ROBO1: variants seen among roughly 807,000 people sequenced by gnomAD.
ROBO1 encodes the protein roundabout guidance receptor 1, also known as roundabout homolog 1.
ROBO1 carries 149 observed loss-of-function variants against 195.9 expected under a neutral mutation model. The observed-to-expected ratio is 0.76, with a 90% CI of 0.67 to 0.87. ROBO1 has a LOEUF of 0.87. ROBO1 is among the 40% of genes least tolerant of loss of function. ROBO1 has a pLI of 0.00. For synonymous variants in ROBO1, 816 were observed against 733.2 expected (o/e 1.11, Z -1.82); for missense variants, 1,933 against 2,068.3 (o/e 0.93, Z 1.27).
At chr3:78,898,879 T>G (rs1462083005) in intron 4 of ROBO1, among the ~76,000 whole-genome samples, 1 of 152,148 alleles carries the variant, frequency 6.6e-6, no homozygotes, top group Admixed American at 6.5e-5. Flanking sequence ...TTTCAGTTAG[T>G]TTGTAAACAG....
At chr3:78,714,330 T>C in intron 8 of ROBO1, 67 bp downstream of exon 8, 1 of 1,501,408 alleles carries the variant, frequency 6.7e-7, no homozygotes, top group Non-Finnish European at 9.0e-7. Flanking sequence ...CATAATATTT[T>C]CTTCAATTAT....
At chr3:79,452,900 T>C (rs1393527243) in intron 2 of ROBO1, among the ~76,000 whole-genome samples, 1 of 152,082 alleles carries the variant, frequency 6.6e-6, no homozygotes. Flanking sequence ...CATTTGTGGC[T>C]GTGGTTTTCT....
At chr3:79,157,301 C>G (rs1272790988) in intron 2 of ROBO1, among the ~76,000 whole-genome samples, 3 of 151,844 alleles carry the variant, frequency 2.0e-5, no homozygotes, top group Non-Finnish European at 4.4e-5. Flanking sequence ...TTCTGCATAG[C>G]ACATCATGGT....
chr3:78,979,762 G>A (rs2076953215), intron 3 of ROBO1, among the ~76,000 whole-genome samples: 1 of 151,882 alleles, frequency 6.6e-6, no homozygotes, highest in African/African-American at 2.4e-5. Flanking sequence ...ACAAAAAGGT[G>A]GGAGGGGGAA....
Position 78,762,274 on chromosome 3 carries a change from C to T in ROBO1, c.500-15374G>A, listed in dbSNP as rs1045139678. Among the ~76,000 whole-genome samples the T allele has an allele frequency of 2.7e-4, 41 of 151,854 alleles. 1 individual carries two copies. On this transcript the variant is annotated intron_variant, in intron 4 of 30. Transcript: ENST00000464233. ...GTGCTTACAGACATCATGGAGTAAT[C>T]CCATGGTCTTAATGAGCAAAAAGTT...
intron 2 of ROBO1, among the ~76,000 whole-genome samples, chr3:79,567,862 T>C (rs1032201553): frequency 6.6e-5 from 10 of 152,154 alleles, no homozygotes; most frequent in African/African-American, 2.4e-4. Flanking sequence ...AGACATTTGT[T>C]GCACTTCCCT....
At chr3:78,758,723 G>A (rs1181462207) in intron 4 of ROBO1, among the ~76,000 whole-genome samples, 1 of 152,082 alleles carries the variant, frequency 6.6e-6, no homozygotes, top group African/African-American at 2.4e-5. Flanking sequence ...TGGAAATAGA[G>A]TGTTTACAAT....
chr3:78,744,629 G>A (rs1171638580), intron 5 of ROBO1, among the ~76,000 whole-genome samples: 4 of 151,904 alleles, frequency 2.6e-5, no homozygotes, highest in African/African-American at 9.7e-5. Context: ...CCCACCTTAG[G>A]GTTTTTCTAT....
chr3:78,717,226 C>T lies in ROBO1; in HGVS notation c.917+49G>A, dbSNP rs539522109. 5.6e-5 allele frequency: 84 copies of T among 1,505,136 alleles called. 1 individual carries two copies. The South Asian group carries it at 9.1e-4, about 16-fold the overall frequency. 93.2% of individuals were successfully genotyped at this position (1,505,136 alleles called of 1,614,324 possible). ...GATGTGGAGATGATGTGATGAGAAACGTAGAAATGCTGAGTTGACAAATCA... is the reference window on the plus strand; with the variant it reads ...GATGTGGAGATGATGTGATGAGAAATGTAGAAATGCTGAGTTGACAAATCA... On this transcript the variant is annotated intron_variant, in intron 7 of 30. Coordinates refer to ENST00000464233, the MANE Select transcript of ROBO1 (RefSeq NM_002941.4).
At chr3:79,534,374 T>C (rs1210526073) in intron 2 of ROBO1, among the ~76,000 whole-genome samples, 2 of 151,896 alleles carry the variant, frequency 1.3e-5, no homozygotes, top group South Asian at 2.1e-4. Context: ...GAGAGCATAG[T>C]TGTCGCTGTC....
intron 2 of ROBO1, among the ~76,000 whole-genome samples, chr3:79,197,098 G>T (rs2081651781): frequency 6.6e-6 from 1 of 151,642 alleles, no homozygotes; most frequent in Admixed American, 6.6e-5. Context: ...ATTCAGATTT[G>T]TTACATAGGT....
chr3:79,126,005 G>A (rs2080209089), intron 2 of ROBO1, among the ~76,000 whole-genome samples: 1 of 152,172 alleles, frequency 6.6e-6, no homozygotes, highest in Admixed American at 6.5e-5. Context: ...TACCTCATAT[G>A]AGGCAGGGAG....
intron 4 of ROBO1, among the ~76,000 whole-genome samples, chr3:78,876,541 A>G (rs1485898310): frequency 6.6e-6 from 1 of 152,220 alleles, no homozygotes; most frequent in African/African-American, 2.4e-5. Context: ...GATACAACTG[A>G]TGATTGTTAG....
chr3:79,676,451 C>T (rs1946787388), intron 1 of ROBO1, among the ~76,000 whole-genome samples: 1 of 151,956 alleles, frequency 6.6e-6, no homozygotes, highest in Non-Finnish European at 1.5e-5. Context: ...AGGCTGCATT[C>T]TCATTTAGTG....
intron 1 of ROBO1, among the ~76,000 whole-genome samples, chr3:79,669,235 C>CT (rs1946561749): frequency 6.6e-6 from 1 of 151,734 alleles, no homozygotes; most frequent in Non-Finnish European, 1.5e-5. Flanking sequence ...TACCAGCTCT[C>CT]TTTTTTTGCC....
At chr3:79,587,344 G>T (rs1943860984) in intron 2 of ROBO1, among the ~76,000 whole-genome samples, 1 of 151,732 alleles carries the variant, frequency 6.6e-6, no homozygotes, top group South Asian at 2.1e-4. Flanking sequence ...CTTTATTGTT[G>T]TGGTAATAAA....
intron 4 of ROBO1, among the ~76,000 whole-genome samples, chr3:78,905,022 TTTA>T (rs1468111392): frequency 8.7e-6 from 1 of 114,856 alleles, no homozygotes; most frequent in African/African-American, 5.2e-5. Flanking sequence ...TAAAGTCATA[TTTA>T]TTATGGGGTC....
At chr3:79,678,080 A>G (rs948060111) in intron 1 of ROBO1, among the ~76,000 whole-genome samples, 2 of 152,124 alleles carry the variant, frequency 1.3e-5, no homozygotes, top group African/African-American at 4.8e-5. Flanking sequence ...CAGAGGCAAT[A>G]TAATAGCAGG....
At chr3:79,156,092 G>A (rs533301715) in intron 2 of ROBO1, among the ~76,000 whole-genome samples, 17 of 151,764 alleles carry the variant, frequency 1.1e-4, no homozygotes, top group Non-Finnish European at 2.2e-4. Flanking sequence ...TCCTAGCCAT[G>A]CTATTCATAC....
Sources: allele counts gnomAD v4.1 joint callset (sites outside exome capture counted in the v4.1 genomes callset), GRCh38; gene constraint gnomAD v4.1.1; transcripts MANE v1.5; gene names NCBI Gene and HGNC (gene_info 2026-07-23, HGNC 2026-07-21).